Variants in DLGAP2 observed in about 807,000 individuals in gnomAD.
The protein encoded by DLGAP2 is DLG associated protein 2, also known as disks large-associated protein 2.
DLGAP2 carries 26 observed loss-of-function variants against 100.3 expected under a neutral mutation model. That is an observed-to-expected ratio of 0.26 (90% CI 0.19 to 0.36). The LOEUF is 0.36. Ranked by LOEUF, DLGAP2 falls within the 10% of genes least tolerant of loss-of-function variation. DLGAP2 has a pLI of 1.00. For missense variants in DLGAP2, 1,858 were observed against 1,453.2 expected (o/e 1.28, Z -4.53); for synonymous variants, 886 against 630.1 (o/e 1.41, Z -6.08).
intron 3 of DLGAP2, among the ~76,000 whole-genome samples, chr8:1,325,620 A>G (rs969791255): frequency 3.9e-5 from 6 of 152,232 alleles, no homozygotes; most frequent in Non-Finnish European, 7.3e-5. Context: ...AGGGGACACA[A>G]GCATACCCTA....
At chr8:1,418,071 C>T (rs1236704360) in intron 3 of DLGAP2, among the ~76,000 whole-genome samples, 2 of 152,282 alleles carry the variant, frequency 1.3e-5, no homozygotes, top group Middle Eastern at 3.4e-3. Flanking sequence ...ATTGTTATCT[C>T]ATTAGCAAAA....
chr8:1,463,013 C>G (rs770824832), intron 3 of DLGAP2, among the ~76,000 whole-genome samples: 11 of 152,192 alleles, frequency 7.2e-5, no homozygotes, highest in South Asian at 2.1e-4. Flanking sequence ...CTTTGGGAGT[C>G]TGAGGCGGGT....
chr8:1,053,459 G>A (rs554371291), intron 2 of DLGAP2, among the ~76,000 whole-genome samples: 9 of 152,240 alleles, frequency 5.9e-5, no homozygotes, highest in African/African-American at 1.9e-4. Context: ...GTGTGTCCCA[G>A]TCAGCTCCGT....
chr8:1,435,563 C>G (rs1382734884), intron 3 of DLGAP2, among the ~76,000 whole-genome samples: 1 of 152,126 alleles, frequency 6.6e-6, no homozygotes, highest in African/African-American at 2.4e-5. Flanking sequence ...TGTGATGGTG[C>G]TGACAGACGA....
chr8:1,213,328 G>A (rs563830735), intron 2 of DLGAP2, among the ~76,000 whole-genome samples: 10 of 152,098 alleles, frequency 6.6e-5, no homozygotes, highest in African/African-American at 9.7e-5. Context: ...AGTTTTGATC[G>A]AGTTTTGAAA....
At chr8:1,297,413 G>C (rs1225531796) in intron 3 of DLGAP2, among the ~76,000 whole-genome samples, 1 of 152,080 alleles carries the variant, frequency 6.6e-6, no homozygotes, top group South Asian at 2.1e-4. Flanking sequence ...GGTGAGAAAC[G>C]TGGCATGCGC....
intron 2 of DLGAP2, among the ~76,000 whole-genome samples, chr8:1,155,780 C>A (rs1303521803): frequency 6.6e-6 from 1 of 152,168 alleles, no homozygotes; most frequent in African/African-American, 2.4e-5. Context: ...TGGGACGCCC[C>A]GGTTCGGGGG....
rs1563234734 is a variant in DLGAP2 at position 1,581,250 on chromosome 8, G to GCACA, written c.1442+15359_1442+15360insACAC. On this transcript the variant is annotated intron_variant, in intron 6 of 14. Transcript: ENST00000637795. ...TACAGACAAAACCCCGCACATATAT[G>GCACA]CACCACAGTCAAACTACCAGAAGAG... 3.2e-3 allele frequency among the ~76,000 whole-genome samples: 257 copies of GCACA among 80,652 alleles called. 3 individuals carry two copies. Among genetic ancestry groups the GCACA allele is most frequent in the African/African-American group, 0.013 (248 of 19,298 alleles). 52.9% of individuals were successfully genotyped at this position (80,652 alleles called of 152,430 possible).
At chr8:1,264,498 T>G (rs1799413319) in intron 3 of DLGAP2, among the ~76,000 whole-genome samples, 1 of 152,208 alleles carries the variant, frequency 6.6e-6, no homozygotes, top group African/African-American at 2.4e-5. Flanking sequence ...ACTCCAGGTA[T>G]GGATCTGAGA....
chr8:1,499,480 C>G (rs1799645317), intron 3 of DLGAP2, among the ~76,000 whole-genome samples: 1 of 152,210 alleles, frequency 6.6e-6, no homozygotes, highest in Non-Finnish European at 1.5e-5. Flanking sequence ...TCCATGGAAA[C>G]TGTAGTTAAT....
At position 1,549,354 on chromosome 8, in the gene DLGAP2, G is replaced by T; in HGVS notation, c.901G>T (p.Asp301Tyr). Residue 301 changes from aspartate (D) to tyrosine (Y), a missense_variant, in exon 5 of 15, where the codon GAC becomes TAC. By Grantham distance (160) the Asp-to-Tyr change is radical. Transcript: ENST00000637795. Reference sequence around the variant, plus strand: ...CATGAGCAGCTGGTGGAGCTCGGACGACAACCTGGACAGCGACAGCACCTA... The same window carrying T: ...CATGAGCAGCTGGTGGAGCTCGGACTACAACCTGGACAGCGACAGCACCTA... The part of the protein sequence containing the change: ...PGMSSWWSSD[D>Y]NLDSDSTYRT... The T allele has an allele frequency of 6.2e-7, 1 of 1,613,352 alleles. No individual in the cohort carries two copies. The highest frequency in any genetic ancestry group is 8.5e-7 in the Non-Finnish European group (1 of 1,179,778).
At chr8:1,110,478 A>G (rs1307746268) in intron 2 of DLGAP2, among the ~76,000 whole-genome samples, 1 of 140,888 alleles carries the variant, frequency 7.1e-6, no homozygotes, top group Non-Finnish European at 1.5e-5. Flanking sequence ...GGTCTGTGAC[A>G]TGTGCTCGGT....
chr8:1,269,370 G>T (rs541677134), intron 3 of DLGAP2, among the ~76,000 whole-genome samples: 1 of 152,324 alleles, frequency 6.6e-6, no homozygotes, highest in Non-Finnish European at 1.5e-5. Context: ...CGTGTGGCAC[G>T]GCGTGGCTCT....
intron 8 of DLGAP2, among the ~76,000 whole-genome samples, chr8:1,637,318 C>T (rs1275959455): frequency 6.6e-6 from 1 of 152,020 alleles, no homozygotes; most frequent in Non-Finnish European, 1.5e-5. Flanking sequence ...TTCTGTGAGC[C>T]ACAAAATCTG....
chr8:1,348,862 A>C (rs1025667591), intron 3 of DLGAP2, among the ~76,000 whole-genome samples: 21 of 152,140 alleles, frequency 1.4e-4, no homozygotes, highest in African/African-American at 5.1e-4. Context: ...TTCCCCATCC[A>C]TGTCCTGCTT....
intron 2 of DLGAP2, among the ~76,000 whole-genome samples, chr8:1,122,264 C>T (rs903401419): frequency 1.3e-5 from 2 of 152,190 alleles, no homozygotes; most frequent in African/African-American, 4.8e-5. Flanking sequence ...TCCATGGAGA[C>T]AGAGTTTTCA....
intron 3 of DLGAP2, among the ~76,000 whole-genome samples, chr8:1,353,621 A>G (rs1300764810): frequency 6.6e-6 from 1 of 152,204 alleles, no homozygotes; most frequent in African/African-American, 2.4e-5. Flanking sequence ...ACCCCATTAT[A>G]AGGTGAGGGG....
At chr8:898,462 G>T (rs1017540240) in intron 1 of DLGAP2, among the ~76,000 whole-genome samples, 6 of 152,208 alleles carry the variant, frequency 3.9e-5, no homozygotes, top group Admixed American at 1.3e-4. Flanking sequence ...CGCTTCATCC[G>T]CAGGGCACAC....
intron 12 of DLGAP2, among the ~76,000 whole-genome samples, chr8:1,683,137 A>G (rs919864501): frequency 8.6e-5 from 13 of 151,660 alleles, no homozygotes; most frequent in African/African-American, 2.9e-4. Flanking sequence ...GGAAGTGGAA[A>G]CTGTTGAGTG....
Sources: gnomAD v4.1 joint callset for allele counts (sites outside exome capture counted in the v4.1 genomes callset) on GRCh38, gnomAD v4.1.1 for gene constraint, MANE v1.5 for transcripts, NCBI Gene and HGNC (gene_info 2026-07-23, HGNC 2026-07-21) for gene names.